The following KCNH1 variants were observed in gnomAD, a reference collection of about 807,000 sequenced individuals.
KCNH1 encodes the protein potassium voltage-gated channel subfamily H member 1.
A neutral mutation model predicts 69.2 loss-of-function variants in KCNH1; 27 were observed. The observed-to-expected ratio is 0.39, with a 90% CI of 0.29 to 0.54. The LOEUF (loss-of-function observed/expected upper bound fraction) is 0.54. Ranked by LOEUF, KCNH1 falls within the 20% of genes least tolerant of loss-of-function variation. KCNH1 has a pLI of 0.68. For missense variants in KCNH1, 798 were observed against 1,261.6 expected (o/e 0.63, Z 5.57); for synonymous variants, 456 against 487.7 (o/e 0.93, Z 0.86).
chr1:211,109,052 T>C (rs933714882), intron 1 of KCNH1, among the ~76,000 whole-genome samples: 3 of 152,246 alleles, frequency 2.0e-5, no homozygotes, highest in African/African-American at 7.2e-5. Flanking sequence ...ATATTTGAAC[T>C]TGCTCTAGTC....
chr1:210,915,542 A>G (rs1687317908), intron 7 of KCNH1, among the ~76,000 whole-genome samples: 1 of 151,636 alleles, frequency 6.6e-6, no homozygotes, highest in Admixed American at 6.6e-5. Context: ...CTACACAGGG[A>G]AGGCAGGGAA....
At chr1:210,908,660 T>G (rs527249485) in intron 7 of KCNH1, among the ~76,000 whole-genome samples, 2 of 152,264 alleles carry the variant, frequency 1.3e-5, no homozygotes, top group East Asian at 3.9e-4. Context: ...GTTTCCCCAA[T>G]GGGTGCATTC....
chr1:210,717,031 A>ATCTT (rs1682274274), intron 10 of KCNH1, among the ~76,000 whole-genome samples: 1 of 152,158 alleles, frequency 6.6e-6, no homozygotes, highest in African/African-American at 2.4e-5. Flanking sequence ...TTTGAGTTAT[A>ATCTT]TCTTCTATTT....
intron 7 of KCNH1, among the ~76,000 whole-genome samples, chr1:210,893,960 T>G (rs996869329): frequency 6.6e-6 from 1 of 152,188 alleles, no homozygotes; most frequent in African/African-American, 2.4e-5. Context: ...ACAAAAAATT[T>G]ACCATGTCTC....
At chr1:210,738,130 CT>C (rs1365517353) in intron 10 of KCNH1, among the ~76,000 whole-genome samples, 1 of 151,802 alleles carries the variant, frequency 6.6e-6, no homozygotes, top group African/African-American at 2.4e-5. Flanking sequence ...ATATTGGTCT[CT>C]TTGCTTCCCC....
chr1:210,815,762 G>A (rs186462734), intron 7 of KCNH1, among the ~76,000 whole-genome samples: 1 of 152,210 alleles, frequency 6.6e-6, no homozygotes, highest in African/African-American at 2.4e-5. Context: ...CCAGGAGACT[G>A]ACTCAAGATA....
intron 7 of KCNH1, among the ~76,000 whole-genome samples, chr1:210,897,622 A>T (rs1316623029): frequency 1.3e-5 from 2 of 152,166 alleles, no homozygotes; most frequent in Non-Finnish European, 2.9e-5. Context: ...ATTTACTGAG[A>T]TCTTAATTTG....
chr1:210,901,921 C>T (rs1025689280), intron 7 of KCNH1, among the ~76,000 whole-genome samples: 1 of 152,184 alleles, frequency 6.6e-6, no homozygotes. Context: ...GAAAACCACA[C>T]CTCACTTTCA....
chr1:211,026,065 G>A (rs558030893), intron 5 of KCNH1, among the ~76,000 whole-genome samples: 66 of 152,102 alleles, frequency 4.3e-4, no homozygotes, highest in Middle Eastern at 3.4e-3. Flanking sequence ...GCTGGACTTC[G>A]TTACTCCCAC....
chr1:210,998,347 G>T (rs1183205820), intron 6 of KCNH1, among the ~76,000 whole-genome samples: 1 of 152,170 alleles, frequency 6.6e-6, no homozygotes, highest in Non-Finnish European at 1.5e-5. Flanking sequence ...ACAAAAAAAG[G>T]CAGGGGTTGC....
At chr1:210,753,119 A>G (rs1483225723) in intron 10 of KCNH1, among the ~76,000 whole-genome samples, 1 of 152,194 alleles carries the variant, frequency 6.6e-6, no homozygotes, top group East Asian at 1.9e-4. Context: ...TGACCCCTGA[A>G]AGTGTGAGAG....
At chr1:210,794,097 A>C (rs1558472086) in intron 9 of KCNH1, among the ~76,000 whole-genome samples, 1 of 152,232 alleles carries the variant, frequency 6.6e-6, no homozygotes, top group African/African-American at 2.4e-5. Context: ...GAACAAACTG[A>C]TTTCAGTCCA....
chr1:210,750,350 C>A (rs1683256054), intron 10 of KCNH1, among the ~76,000 whole-genome samples: 1 of 152,176 alleles, frequency 6.6e-6, no homozygotes, highest in South Asian at 2.1e-4. Flanking sequence ...AGGACTTGCA[C>A]ACATTTTAGA....
intron 7 of KCNH1, among the ~76,000 whole-genome samples, chr1:210,904,336 A>C (rs1687053211): frequency 6.6e-6 from 1 of 152,096 alleles, no homozygotes; most frequent in African/African-American, 2.4e-5. Flanking sequence ...CTCTGTCCCC[A>C]CTGACCCCAA....
chr1:210,713,500 T>G (rs905116761), intron 10 of KCNH1, among the ~76,000 whole-genome samples: 30 of 152,222 alleles, frequency 2.0e-4, no homozygotes, highest in African/African-American at 7.0e-4. Context: ...GCTCTGGGGA[T>G]AAAACAGACA....
At chr1:210,687,334 G>A (rs528426268) in intron 10 of KCNH1, among the ~76,000 whole-genome samples, 1 of 152,238 alleles carries the variant, frequency 6.6e-6, no homozygotes, top group Non-Finnish European at 1.5e-5. Context: ...ACCAGCCAGC[G>A]TATTCAGGTG....
intron 10 of KCNH1, among the ~76,000 whole-genome samples, chr1:210,714,176 A>G (rs1381329885): frequency 2.6e-5 from 4 of 152,282 alleles, no homozygotes; most frequent in Non-Finnish European, 2.9e-5. Flanking sequence ...GTGGACTCCA[A>G]TCAACTTCTC....
At chr1:210,802,224 C>T (rs966970416) in intron 8 of KCNH1, among the ~76,000 whole-genome samples, 1 of 152,196 alleles carries the variant, frequency 6.6e-6, no homozygotes, top group Non-Finnish European at 1.5e-5. Flanking sequence ...GTCAGCAAAA[C>T]CAAAGTAATG....
chr1:211,087,643 A>ACACACACACACACACACACACGCACG (rs1558599148), intron 4 of KCNH1, among the ~76,000 whole-genome samples: 2 of 141,196 alleles, frequency 1.4e-5, no homozygotes, highest in African/African-American at 5.7e-5. Context: ...ACACACGCAC[A>ACACACACACACACACACACACGCACG]CACACACACA....
Sources: gnomAD v4.1 joint callset for allele counts (sites outside exome capture counted in the v4.1 genomes callset) on GRCh38, gnomAD v4.1.1 for gene constraint, MANE v1.5 for transcripts, NCBI Gene and HGNC (gene_info 2026-07-23, HGNC 2026-07-21) for gene names.